INO80: variants seen among roughly 807,000 people sequenced by gnomAD.
INO80 encodes chromatin-remodeling ATPase INO80.
A neutral mutation model predicts 203.4 loss-of-function variants in INO80; 20 were observed. The observed-to-expected ratio is 0.10, with a 90% CI of 0.07 to 0.14. The LOEUF is 0.14. Ranked by LOEUF, INO80 falls within the 10% of genes least tolerant of loss-of-function variation. The probability of loss-of-function intolerance (pLI) is 1.00; values close to 1 mark genes in which losing one functional copy is unlikely to be tolerated. For missense variants in INO80, 1,419 were observed against 1,914.4 expected (o/e 0.74, Z 4.83); for synonymous variants, 726 against 685.2 (o/e 1.06, Z -0.93).
chr15:41,097,963 C>T (rs1235027088), intron 1 of INO80, among the ~76,000 whole-genome samples: 4 of 152,026 alleles, frequency 2.6e-5, no homozygotes, highest in Non-Finnish European at 5.9e-5. Context: ...CAAAAAACAA[C>T]AACAACAACA....
chr15:40,993,789 G>GAAAAA (rs1454218016), intron 29 of INO80, among the ~76,000 whole-genome samples: 1 of 151,348 alleles, frequency 6.6e-6, no homozygotes, highest in Non-Finnish European at 1.5e-5. Context: ...AAAAGAAAAA[G>GAAAAA]AAAATACAGC....
Position 41,095,798 on chromosome 15 carries a change from T to C in INO80, c.274A>G (p.Met92Val). Reference sequence around the variant, plus strand: ...CCATTCAGAGAATATGTGTTTAACATTCCAGAACTGCCTGCTCCAGAAGTT... The same window carrying C: ...CCATTCAGAGAATATGTGTTTAACACTCCAGAACTGCCTGCTCCAGAAGTT... ...GETSGAGSSG[M>V]LNTYSLNGVL... The change falls in exon 3 of 36, where the codon ATG becomes GTG. Residue 92 changes from methionine to valine, a missense_variant. By Grantham distance (21) the Met-to-Val change is conservative. Transcript: ENST00000648947. 6.2e-7 allele frequency: 1 copy of C among 1,614,186 alleles called. No individual in the cohort carries two copies. Among genetic ancestry groups the C allele is most frequent in the Non-Finnish European group, 8.5e-7 (1 of 1,180,034 alleles).
At chr15:41,035,450 C>A (rs1480729979) in intron 24 of INO80, among the ~76,000 whole-genome samples, 1 of 151,528 alleles carries the variant, frequency 6.6e-6, no homozygotes, top group Non-Finnish European at 1.5e-5. Flanking sequence ...TGCTTGAGCC[C>A]CAAAGGTGGA....
At chr15:41,033,048 A>C (rs1016320040) in intron 24 of INO80, among the ~76,000 whole-genome samples, 5 of 152,126 alleles carry the variant, frequency 3.3e-5, no homozygotes, top group Admixed American at 6.6e-5. Flanking sequence ...ACAACAACAA[A>C]AAAACAAACA....
rs137875725 is a variant in INO80 at position 41,032,083 on chromosome 15, C to G, written c.2908-4347G>C. On this transcript the variant is annotated intron_variant, in intron 24 of 35. Transcript: ENST00000648947. ...CACAGGACAGCACAGGACAGCACAG[C>G]ACAGCACAGCACAGCACAGCACAGC... is the stretch of plus-strand genomic sequence containing the variant. Among the ~76,000 whole-genome samples the G allele has an allele frequency of 8.7e-4, 112 of 129,088 alleles. 1 individual carries two copies. The highest frequency in any genetic ancestry group is 4.3e-3 in the African/African-American group (103 of 23,968). 84.7% of individuals were successfully genotyped at this position (129,088 alleles called of 152,430 possible). A position where few individuals can be genotyped will look rare whatever the true frequency, so the allele number is the denominator to read the frequency against.
chr15:40,998,983 T>TGCACACAC, intron 28 of INO80, among the ~76,000 whole-genome samples: 1 of 140,438 alleles, frequency 7.1e-6, no homozygotes, highest in African/African-American at 2.7e-5. Context: ...AAGATTTATC[T>TGCACACAC]ACACACACAC....
chr15:41,089,815 TATC>T (rs1596320927), intron 5 of INO80, among the ~76,000 whole-genome samples: 1 of 151,064 alleles, frequency 6.6e-6, no homozygotes, highest in African/African-American at 2.4e-5. Context: ...CACTCAAAAC[TATC>T]ATCATTTTAA....
chr15:40,982,361 C>T (rs1893863079), intron 35 of INO80, among the ~76,000 whole-genome samples: 1 of 152,154 alleles, frequency 6.6e-6, no homozygotes, highest in Non-Finnish European at 1.5e-5. Flanking sequence ...GTTGGCCAGG[C>T]TGGTCTCGAA....
intron 9 of INO80, among the ~76,000 whole-genome samples, chr15:41,079,164 C>A (rs963946700): frequency 6.6e-6 from 1 of 151,810 alleles, no homozygotes; most frequent in Admixed American, 6.6e-5. Context: ...TAAAACAGTA[C>A]AGTAGGTGAA....
At chr15:41,008,550 T>C (rs2044084936) in intron 27 of INO80, among the ~76,000 whole-genome samples, 1 of 152,222 alleles carries the variant, frequency 6.6e-6, no homozygotes, top group Admixed American at 6.5e-5. Flanking sequence ...ATATGTGAAC[T>C]CTTCTAAGAG....
At chr15:41,022,407 A>G (rs1260345375) in intron 25 of INO80, among the ~76,000 whole-genome samples, 2 of 152,222 alleles carry the variant, frequency 1.3e-5, no homozygotes, top group South Asian at 2.1e-4. Flanking sequence ...TTTGGTACAC[A>G]TAAGGACCTC....
At chr15:41,035,000 T>C (rs550360300) in intron 24 of INO80, among the ~76,000 whole-genome samples, 41 of 152,360 alleles carry the variant, frequency 2.7e-4, no homozygotes, top group African/African-American at 9.6e-4. Context: ...TAAGAGTTTA[T>C]GAGTAAAGAA....
chr15:41,106,025 A>G (rs889860064), intron 1 of INO80, among the ~76,000 whole-genome samples: 10 of 152,252 alleles, frequency 6.6e-5, no homozygotes, highest in African/African-American at 2.4e-4. Context: ...TGGGAGGCTG[A>G]GGCAGGAGGA....
chr15:41,047,348 C>G (rs908142032), intron 23 of INO80, 60 bp downstream of exon 23: 1 of 960,730 alleles, frequency 1.0e-6, no homozygotes, highest in African/African-American at 1.6e-5. Flanking sequence ...CCACAGTATT[C>G]AATATCTATC....
chr15:41,100,797 T>C (rs1217140285), intron 1 of INO80, among the ~76,000 whole-genome samples: 1 of 152,080 alleles, frequency 6.6e-6, no homozygotes, highest in African/African-American at 2.4e-5. Context: ...ATTCACATTG[T>C]TGTGCAACCA....
intron 24 of INO80, among the ~76,000 whole-genome samples, chr15:41,033,905 C>T (rs954576701): frequency 2.0e-5 from 3 of 151,188 alleles, no homozygotes; most frequent in Non-Finnish European, 3.0e-5. Context: ...AAAAAAAATA[C>T]AAAAAAATTA....
In INO80 at chr15:41,115,964, T is replaced by C. The variant is rs1035265040; in HGVS notation, c.-44+9A>G. ...ACTCCGTTCGCCCGCCCACGTCTAG[T>C]TGCCTCACCTCGGGCCGCCTGGCCC... On this transcript the variant is annotated intron_variant, in intron 1 of 35. Transcript: ENST00000648947. 1.5e-4 allele frequency: 57 copies of C among 383,872 alleles called. No individual in the cohort carries two copies. In the East Asian group the frequency reaches 2.1e-3, roughly 14 times the overall value. 23.8% of individuals were successfully genotyped at this position (383,872 alleles called of 1,614,324 possible).
chr15:41,031,603 G>A (rs1161108512), intron 24 of INO80, among the ~76,000 whole-genome samples: 8 of 2,532 alleles, frequency 3.2e-3, no homozygotes, highest in African/African-American at 4.8e-3. Flanking sequence ...GGGAGGGAGG[G>A]AGGAAGGGAG....
At position 41,031,968 on chromosome 15, in the gene INO80, C is replaced by CACAGCACAGG. The variant is rs1566919535; in HGVS notation, c.2908-4233_2908-4232insCCTGTGCTGT. On this transcript the variant is annotated intron_variant, in intron 24 of 35. Transcript: ENST00000648947. ...CACAGCACAGCACAGCACAGGACAG[C>CACAGCACAGG]ACAGCACAGCACAGCACAGCACAGC... 1.2e-3 allele frequency among the ~76,000 whole-genome samples: 81 copies of CACAGCACAGG among 69,720 alleles called. 2 individuals carry two copies. Among genetic ancestry groups the CACAGCACAGG allele is most frequent in the East Asian group, 1.7e-3 (4 of 2,310 alleles). 45.7% of individuals were successfully genotyped at this position (69,720 alleles called of 152,430 possible).
Sources: allele counts gnomAD v4.1 joint callset (sites outside exome capture counted in the v4.1 genomes callset), GRCh38; gene constraint gnomAD v4.1.1; transcripts MANE v1.5; gene names NCBI Gene and HGNC (gene_info 2026-07-23, HGNC 2026-07-21).